The following RABGAP1L variants were observed in gnomAD, a reference collection of about 807,000 sequenced individuals.
The protein encoded by RABGAP1L is rab GTPase-activating protein 1-like.
RABGAP1L carries 63 observed loss-of-function variants against 137.7 expected under a neutral mutation model. The ratio of observed to expected loss-of-function variants is 0.46; its 90% CI spans 0.37 to 0.56. RABGAP1L has a LOEUF of 0.56. Among genes scored for constraint, RABGAP1L ranks in the 20% least tolerant of loss-of-function variants. The pLI is 0.00. For missense variants in RABGAP1L, 1,095 were observed against 1,244.0 expected (o/e 0.88, Z 1.80); for synonymous variants, 431 against 433.7 (o/e 0.99, Z 0.08).
At chr1:174,674,774 G>T (rs1423444849) in intron 14 of RABGAP1L, among the ~76,000 whole-genome samples, 1 of 152,120 alleles carries the variant, frequency 6.6e-6, no homozygotes. Context: ...TTTAATGATC[G>T]CCATTCTAAC....
intron 10 of RABGAP1L, among the ~76,000 whole-genome samples, chr1:174,281,689 C>CCAA (rs1193456420): frequency 6.6e-6 from 1 of 152,234 alleles, no homozygotes; most frequent in Non-Finnish European, 1.5e-5. Flanking sequence ...CCATGTGAAA[C>CCAA]TTTGGAGTCC....
At chr1:174,639,629 C>A (rs1408795033) in intron 14 of RABGAP1L, among the ~76,000 whole-genome samples, 1 of 152,054 alleles carries the variant, frequency 6.6e-6, no homozygotes, top group Admixed American at 6.6e-5. Context: ...TAGATACTTT[C>A]TTCACATAAC....
intron 13 of RABGAP1L, among the ~76,000 whole-genome samples, chr1:174,547,140 A>C (rs1666085373): frequency 6.6e-6 from 1 of 152,074 alleles, no homozygotes. Context: ...TAGAGATTTA[A>C]AATTAAACAG....
At chr1:174,161,917 A>G (rs759047241) in intron 1 of RABGAP1L, among the ~76,000 whole-genome samples, 10 of 151,960 alleles carry the variant, frequency 6.6e-5, no homozygotes, top group Non-Finnish European at 1.3e-4. Context: ...ATTTTTGTAG[A>G]GTCAAGGGTC....
chr1:174,486,560 A>G (rs1392051032), intron 13 of RABGAP1L, among the ~76,000 whole-genome samples: 1 of 151,656 alleles, frequency 6.6e-6, no homozygotes, highest in African/African-American at 2.4e-5. Flanking sequence ...GTTCACCAGG[A>G]TGGTCTCGAT....
chr1:174,463,178 C>T (rs1246182261), intron 13 of RABGAP1L, among the ~76,000 whole-genome samples: 2 of 151,980 alleles, frequency 1.3e-5, no homozygotes, highest in Non-Finnish European at 2.9e-5. Flanking sequence ...ACCCAAAGGA[C>T]TATAAATCAT....
chr1:174,427,289 C>G (rs565810586), intron 13 of RABGAP1L, among the ~76,000 whole-genome samples: 2 of 152,052 alleles, frequency 1.3e-5, no homozygotes, highest in Non-Finnish European at 2.9e-5. Context: ...CAACTTCGAT[C>G]TTCTAATTCA....
intron 14 of RABGAP1L, among the ~76,000 whole-genome samples, chr1:174,640,585 A>G (rs1674449947): frequency 6.6e-6 from 1 of 152,082 alleles, no homozygotes; most frequent in African/African-American, 2.4e-5. Context: ...AATAACTAGC[A>G]TTATACCTCA....
intron 19 of RABGAP1L, among the ~76,000 whole-genome samples, chr1:174,836,324 A>G (rs993034112): frequency 6.6e-6 from 1 of 152,204 alleles, no homozygotes; most frequent in Non-Finnish European, 1.5e-5. Context: ...TCTATGCTCC[A>G]TATCAGATAA....
chr1:174,865,914 C>T (rs1250181587), intron 19 of RABGAP1L, among the ~76,000 whole-genome samples: 1 of 152,120 alleles, frequency 6.6e-6, no homozygotes, highest in African/African-American at 2.4e-5. Flanking sequence ...CAACTGTGCT[C>T]ATATCTCATT....
chr1:174,280,048 G>GGAGAGAGAGAGAGAGA lies in RABGAP1L; in HGVS notation c.1323+1298_1323+1313dup, dbSNP rs59262212. On this transcript the variant is annotated intron_variant, in intron 10 of 25. Coordinates refer to ENST00000681986, the MANE Select transcript of RABGAP1L (RefSeq NM_001366446.1). ...AGTACTTTTGACTGTCTGTCTGCCTGGAGAGAGAGAGAGAGAGAGAGAGAG... is the reference window on the plus strand; with the variant it reads ...AGTACTTTTGACTGTCTGTCTGCCTGGAGAGAGAGAGAGAGAGAGAGAGAGAGAGAGAGAGAGAGAG... Among the ~76,000 whole-genome samples the GGAGAGAGAGAGAGAGA allele has an allele frequency of 1.6e-3, 201 of 125,274 alleles. 3 individuals are homozygous for GGAGAGAGAGAGAGAGA. The highest frequency in any genetic ancestry group is 4.4e-3 in the Middle Eastern group (1 of 228). 82.2% of individuals were successfully genotyped at this position (125,274 alleles called of 152,430 possible).
At chr1:174,624,383 T>A (rs1034750018) in intron 13 of RABGAP1L, among the ~76,000 whole-genome samples, 1 of 152,242 alleles carries the variant, frequency 6.6e-6, no homozygotes, top group African/African-American at 2.4e-5. Flanking sequence ...TATACCTATA[T>A]CTTGTCTTTA....
At chr1:174,703,321 T>C (rs1679799742) in intron 17 of RABGAP1L, among the ~76,000 whole-genome samples, 1 of 152,202 alleles carries the variant, frequency 6.6e-6, no homozygotes, top group African/African-American at 2.4e-5. Flanking sequence ...TCTGTGTCCA[T>C]GTATACACAT....
In RABGAP1L at chr1:174,634,796, C is replaced by G. The variant is rs568674270; in HGVS notation, c.1711-2579C>G. Among the ~76,000 whole-genome samples, 351 of 146,032 alleles carry G rather than the reference C, an allele frequency of 2.4e-3. 14 individuals carry two copies. The East Asian group carries it at 0.054, about 23-fold the overall frequency. ...ACTATTGCAAGAACAAAAAAGCAAA[C>G]ACCGCATATTCTCCCTCATAGGTGG... is the stretch of plus-strand genomic sequence containing the variant. On this transcript the variant is annotated intron_variant, in intron 13 of 25. Coordinates refer to ENST00000681986, the MANE Select transcript of RABGAP1L (RefSeq NM_001366446.1).
At chr1:174,517,192 A>G (rs1339050604) in intron 13 of RABGAP1L, among the ~76,000 whole-genome samples, 1 of 152,118 alleles carries the variant, frequency 6.6e-6, no homozygotes, top group African/African-American at 2.4e-5. Flanking sequence ...ATGGGGATGC[A>G]ATGTAACTTA....
At chr1:174,721,577 G>A (rs1380914099) in intron 17 of RABGAP1L, among the ~76,000 whole-genome samples, 2 of 152,146 alleles carry the variant, frequency 1.3e-5, no homozygotes, top group Non-Finnish European at 2.9e-5. Context: ...GGATCAGATT[G>A]GTTTCACAGC....
At chr1:174,866,930 TTA>T (rs1386570512) in intron 19 of RABGAP1L, among the ~76,000 whole-genome samples, 12 of 151,906 alleles carry the variant, frequency 7.9e-5, no homozygotes, top group South Asian at 4.2e-4. Flanking sequence ...ATTTTTTTTT[TTA>T]AATTTAAAAA....
intron 11 of RABGAP1L, among the ~76,000 whole-genome samples, chr1:174,327,994 T>TATATATAC (rs1680661865): frequency 2.6e-5 from 2 of 77,418 alleles, no homozygotes; most frequent in African/African-American, 1.3e-4. Flanking sequence ...CACATATATA[T>TATATATAC]ATATATATAT....
At position 174,598,721 on chromosome 1, in the gene RABGAP1L, A is replaced by G. The variant is rs537838073; in HGVS notation, c.1711-38654A>G. Among the ~76,000 whole-genome samples the G allele has an allele frequency of 2.2e-4, 33 of 150,844 alleles. No homozygotes were observed. The South Asian group carries it at 6.7e-3, about 31-fold the overall frequency. On this transcript the variant is annotated intron_variant, in intron 13 of 25. Coordinates refer to ENST00000681986, the MANE Select transcript of RABGAP1L (RefSeq NM_001366446.1). Reference sequence around the variant, plus strand: ...TATTTTATCTGATATAAGTGTAGCTACTCCTTTTTTTGGTTTTCATTTGCA... The same window carrying G: ...TATTTTATCTGATATAAGTGTAGCTGCTCCTTTTTTTGGTTTTCATTTGCA...
Sources: gnomAD v4.1 joint callset for allele counts (sites outside exome capture counted in the v4.1 genomes callset) on GRCh38, gnomAD v4.1.1 for gene constraint, MANE v1.5 for transcripts, NCBI Gene and HGNC (gene_info 2026-07-23, HGNC 2026-07-21) for gene names.